TTC7B: variants seen among roughly 807,000 people sequenced by gnomAD.
TTC7B encodes tetratricopeptide repeat domain 7B, also known as tetratricopeptide repeat protein 7B.
In TTC7B, 28 loss-of-function variants were observed where a neutral mutation model predicts 106.8. That is an observed-to-expected ratio of 0.26 (90% CI 0.19 to 0.36). The LOEUF (loss-of-function observed/expected upper bound fraction) is 0.36. Among genes scored for constraint, TTC7B ranks in the 10% least tolerant of loss-of-function variants. TTC7B has a pLI of 1.00. For missense variants in TTC7B, 862 were observed against 1,076.4 expected, an observed-to-expected ratio of 0.80 and a Z score of 2.79; for synonymous variants, 405 against 430.6, an observed-to-expected ratio of 0.94 and a Z score of 0.74.
intron 1 of TTC7B, among the ~76,000 whole-genome samples, chr14:90,814,211 C>A (rs1300094820): frequency 6.6e-6 from 1 of 152,120 alleles, no homozygotes; most frequent in Non-Finnish European, 1.5e-5. Context: ...TGGGAGCAGC[C>A]CCTGGGAAGA....
intron 18 of TTC7B, 25 bp downstream of exon 18, chr14:90,593,461 G>T (rs556730886): frequency 6.4e-7 from 1 of 1,554,266 alleles, no homozygotes; most frequent in East Asian, 2.3e-5. Flanking sequence ...GCACAGCAGC[G>T]GGTTGTGGGT....
intron 18 of TTC7B, among the ~76,000 whole-genome samples, chr14:90,592,447 G>A (rs906370988): frequency 8.5e-5 from 13 of 152,172 alleles, no homozygotes; most frequent in Non-Finnish European, 1.2e-4. Context: ...GGTGGCTCAC[G>A]CCTGTAATCC....
At chr14:90,814,642 T>A (rs978093730) in intron 1 of TTC7B, among the ~76,000 whole-genome samples, 1 of 152,142 alleles carries the variant, frequency 6.6e-6, no homozygotes, top group African/African-American at 2.4e-5. Flanking sequence ...GAAGGTGTCA[T>A]TATGCCTACA....
intron 8 of TTC7B, among the ~76,000 whole-genome samples, chr14:90,678,449 T>A (rs1349510872): frequency 2.0e-5 from 3 of 152,224 alleles, no homozygotes; most frequent in Non-Finnish European, 4.4e-5. Context: ...TTGAGCACAT[T>A]CATTTTCTGT....
chr14:90,588,210 C>T (rs1891802263), intron 18 of TTC7B, among the ~76,000 whole-genome samples: 1 of 152,208 alleles, frequency 6.6e-6, no homozygotes, highest in African/African-American at 2.4e-5. Context: ...TGGGAGGAGT[C>T]TGGGCAAAGG....
chr14:90,578,625 G>T lies in TTC7B; in HGVS notation c.2108-317C>A, dbSNP rs760678909. Among the ~76,000 whole-genome samples, 1 of 152,012 alleles carries T rather than the reference G, an allele frequency of 6.6e-6. No individual in the cohort carries two copies. Among genetic ancestry groups the T allele is most frequent in the Non-Finnish European group, 1.5e-5 (1 of 68,012 alleles). ...CAGGGCCCACCCGGGGCTCCTCAGT[G>T]TCTGGACAGAGGCTGGCCCGGTCCA... is the stretch of plus-strand genomic sequence containing the variant. On this transcript the variant is annotated intron_variant, in intron 18 of 19. Coordinates refer to ENST00000328459, the MANE Select transcript of TTC7B (RefSeq NM_001010854.2). The surrounding 1 kb of genome is among the most constrained non-coding windows in gnomAD (Gnocchi z 4.7).
At position 90,600,433 on chromosome 14, in the gene TTC7B, T is replaced by TC. The variant is rs1892378871; in HGVS notation, c.1967-6808dup. 6.6e-6 allele frequency among the ~76,000 whole-genome samples: 1 copy of TC among 152,168 alleles called. No homozygotes were observed. Among genetic ancestry groups the TC allele is most frequent in the Non-Finnish European group, 1.5e-5 (1 of 68,034 alleles). On this transcript the variant is annotated intron_variant, in intron 17 of 19. Transcript: ENST00000328459. The surrounding 1 kb of genome is among the most constrained non-coding windows in gnomAD (Gnocchi z 4.3). Reference sequence around the variant, plus strand: ...ACCCAGTCCCACCAACCATGAGGGCTCCTGCTGTGGGTTCCTCTGATAAAT... The same window carrying TC: ...ACCCAGTCCCACCAACCATGAGGGCTCCCTGCTGTGGGTTCCTCTGATAAAT...
intron 18 of TTC7B, among the ~76,000 whole-genome samples, chr14:90,588,142 C>T (rs571085274): frequency 1.3e-5 from 2 of 152,284 alleles, no homozygotes; most frequent in Admixed American, 1.3e-4. Flanking sequence ...CATCTCGTCA[C>T]GAATGGGGCA....
intron 19 of TTC7B, among the ~76,000 whole-genome samples, chr14:90,563,970 C>A (rs1477674247): frequency 6.6e-6 from 1 of 152,030 alleles, no homozygotes; most frequent in Non-Finnish European, 1.5e-5. Flanking sequence ...AAGTCTTGAC[C>A]CCCTCAAAGT....
At position 90,786,212 on chromosome 14, in the gene TTC7B, T is replaced by C; in HGVS notation, c.238A>G (p.Lys80Glu). Residue 80 changes from lysine to glutamate, a missense_variant, in exon 2 of 20, where the codon AAG becomes GAG. Coordinates refer to ENST00000328459, the MANE Select transcript of TTC7B (RefSeq NM_001010854.2). ...CGGTCCAGGGCGGCGGTCAGATGCT[T>C]GCGGACCTCAGTCAGCTGGGGCTTG... Reference protein sequence around the residue: ...GPKPQLTEVRKHLTAALDRGN... With the variant: ...GPKPQLTEVREHLTAALDRGN... 1 of 1,599,236 alleles carries C rather than the reference T, an allele frequency of 6.3e-7. No individual in the cohort carries two copies. The highest frequency in any genetic ancestry group is 1.1e-5 in the South Asian group (1 of 89,096).
chr14:90,729,815 C>T (rs887728597), intron 5 of TTC7B, among the ~76,000 whole-genome samples: 9 of 152,148 alleles, frequency 5.9e-5, no homozygotes, highest in Non-Finnish European at 1.0e-4. Flanking sequence ...AGGCCCACCC[C>T]ACTGGTCTTG....
intron 4 of TTC7B, among the ~76,000 whole-genome samples, chr14:90,737,351 A>G (rs1889575244): frequency 6.6e-6 from 1 of 152,180 alleles, no homozygotes; most frequent in South Asian, 2.1e-4. Context: ...CAATAGCCAA[A>G]AAGTAAAAGC....
chr14:90,773,544 A>G (rs1275447823), intron 3 of TTC7B, among the ~76,000 whole-genome samples: 2 of 152,148 alleles, frequency 1.3e-5, no homozygotes, highest in African/African-American at 2.4e-5. Context: ...GATAAGCACA[A>G]TCACGCAGGT....
intron 5 of TTC7B, among the ~76,000 whole-genome samples, chr14:90,713,400 G>A (rs1468096728): frequency 6.6e-6 from 1 of 152,182 alleles, no homozygotes; most frequent in Admixed American, 6.5e-5. Flanking sequence ...ACAGGCATGA[G>A]CCACTGCGCC....
chr14:90,733,858 T>A (rs1405489500), intron 4 of TTC7B, among the ~76,000 whole-genome samples: 1 of 152,188 alleles, frequency 6.6e-6, no homozygotes, highest in African/African-American at 2.4e-5. Context: ...AATACCTACC[T>A]CACAAGGTTG....
chr14:90,653,861 G>A (rs1885836271), intron 12 of TTC7B, among the ~76,000 whole-genome samples: 1 of 152,220 alleles, frequency 6.6e-6, no homozygotes, highest in Admixed American at 6.5e-5. Flanking sequence ...AGTTGCAGGA[G>A]TAATGAGGGG....
chr14:90,650,007 C>T (rs967119037), intron 13 of TTC7B, among the ~76,000 whole-genome samples: 2 of 152,040 alleles, frequency 1.3e-5, no homozygotes, highest in East Asian at 1.9e-4. Context: ...TGGAAAGCAT[C>T]GGATGGGCTT....
intron 17 of TTC7B, among the ~76,000 whole-genome samples, chr14:90,602,617 C>T (rs1892471580): frequency 6.6e-6 from 1 of 151,946 alleles, no homozygotes; most frequent in South Asian, 2.1e-4. Context: ...GGGAGGCTCA[C>T]TTGAGCCCTG....
intron 19 of TTC7B, among the ~76,000 whole-genome samples, chr14:90,562,935 C>G (rs560018992): frequency 4.6e-5 from 7 of 152,322 alleles, no homozygotes; most frequent in Non-Finnish European, 7.4e-5. Flanking sequence ...ACCACGAGCA[C>G]AGACCCGCAC....
Sources: gnomAD v4.1 joint callset for allele counts (sites outside exome capture counted in the v4.1 genomes callset) on GRCh38, gnomAD v4.1.1 for gene constraint, Gnocchi (gnomAD v3.1) non-coding constraint, MANE v1.5 for transcripts, NCBI Gene and HGNC (gene_info 2026-07-23, HGNC 2026-07-21) for gene names.